The following PICALM variants were observed in gnomAD, a reference collection of about 807,000 sequenced individuals.
PICALM encodes phosphatidylinositol binding clathrin assembly protein.
Under a neutral mutation model 80.5 loss-of-function variants are expected in PICALM, and 40 were observed. The observed-to-expected ratio is 0.50, with a 90% CI of 0.39 to 0.65. PICALM has a LOEUF of 0.65. Ranked by LOEUF, PICALM falls within the 30% of genes least tolerant of loss-of-function variation. The pLI is 0.00. For missense variants in PICALM, 676 were observed against 778.9 expected, an observed-to-expected ratio of 0.87 and a Z score of 1.57; for synonymous variants, 288 against 260.3, an observed-to-expected ratio of 1.11 and a Z score of -1.02.
chr11:86,064,088 C>T (rs1318895626), intron 1 of PICALM, among the ~76,000 whole-genome samples: 1 of 152,222 alleles, frequency 6.6e-6, no homozygotes, highest in Non-Finnish European at 1.5e-5. Flanking sequence ...AATTCAGGTA[C>T]AGTCTGGTAT....
chr11:86,016,990 G>C (rs1394871343), intron 4 of PICALM, among the ~76,000 whole-genome samples: 2 of 152,138 alleles, frequency 1.3e-5, no homozygotes, highest in African/African-American at 4.8e-5. Flanking sequence ...GGGAGGCTGA[G>C]GGGCGAGTGG....
intron 1 of PICALM, among the ~76,000 whole-genome samples, chr11:86,055,048 TGGCTG>T (rs2096248248): frequency 6.6e-6 from 1 of 152,070 alleles, no homozygotes; most frequent in South Asian, 2.1e-4. Context: ...AATTGCTTGC[TGGCTG>T]GGGGTGGTGG....
In PICALM at chr11:86,065,368, G is replaced by A. The variant is rs184798337; in HGVS notation, c.130+3283C>T. Among the ~76,000 whole-genome samples the A allele has an allele frequency of 3.0e-3, 454 of 152,126 alleles. 3 individuals carry two copies. The highest frequency in any genetic ancestry group is 0.011 in the African/African-American group (436 of 41,490). On this transcript the variant is annotated intron_variant, in intron 1 of 19. Coordinates refer to ENST00000393346, the MANE Select transcript of PICALM (RefSeq NM_007166.4). ...GGCTGAGGCAGAATCTCTTGAACCT[G>A]GGAGGCAGAGGTTGCAGTGAGCCAA...
intron 1 of PICALM, among the ~76,000 whole-genome samples, chr11:86,053,663 G>A (rs2096227121): frequency 6.6e-6 from 1 of 152,048 alleles, no homozygotes; most frequent in African/African-American, 2.4e-5. Flanking sequence ...TGCCTCCTGG[G>A]CTCAAGTGAT....
chr11:86,026,629 A>T (rs564584168), intron 2 of PICALM, among the ~76,000 whole-genome samples: 7 of 152,364 alleles, frequency 4.6e-5, no homozygotes, highest in Non-Finnish European at 1.0e-4. Context: ...CAGTGGAAGC[A>T]GTAGTTTTGG....
intron 1 of PICALM, among the ~76,000 whole-genome samples, chr11:86,052,042 C>T (rs2096198010): frequency 1.3e-5 from 2 of 152,332 alleles, no homozygotes; most frequent in South Asian, 2.1e-4. Flanking sequence ...CCTAACTAAA[C>T]CAACTGAAAC....
intron 19 of PICALM, among the ~76,000 whole-genome samples, chr11:85,968,141 C>T (rs2093968579): frequency 6.6e-6 from 1 of 152,102 alleles, no homozygotes; most frequent in South Asian, 2.1e-4. Flanking sequence ...CAAGACCAGT[C>T]TGATGTATGC....
intron 1 of PICALM, among the ~76,000 whole-genome samples, chr11:86,056,134 TTA>T (rs1491247691): frequency 9.1e-5 from 7 of 76,816 alleles, no homozygotes; most frequent in South Asian, 4.1e-4. Flanking sequence ...GACTCTGTCT[TTA>T]AAAAAAAAAA....
chr11:85,967,238 T>C (rs1406425962), intron 19 of PICALM, among the ~76,000 whole-genome samples: 2 of 152,214 alleles, frequency 1.3e-5, no homozygotes, highest in Admixed American at 6.5e-5. Context: ...TGTGAGACAA[T>C]ACATTCCCAT....
intron 19 of PICALM, among the ~76,000 whole-genome samples, chr11:85,965,803 T>G (rs2093859193): frequency 2.0e-5 from 1 of 49,956 alleles, no homozygotes; most frequent in Non-Finnish European, 3.9e-5. Context: ...GCATTACCCA[T>G]TTTGTTTTTT....
chr11:86,010,300 C>T (rs1264249020), intron 7 of PICALM, among the ~76,000 whole-genome samples: 1 of 151,390 alleles, frequency 6.6e-6, no homozygotes, highest in East Asian at 1.9e-4. Context: ...AATAAATACA[C>T]AAAATCCATT....
At chr11:86,063,274 C>T (rs2096396331) in intron 1 of PICALM, among the ~76,000 whole-genome samples, 1 of 152,148 alleles carries the variant, frequency 6.6e-6, no homozygotes, top group Non-Finnish European at 1.5e-5. Flanking sequence ...ATGTCAATCA[C>T]ATCTTATGAA....
chr11:85,975,159 A>G (rs1565244002), intron 18 of PICALM, among the ~76,000 whole-genome samples: 1 of 152,138 alleles, frequency 6.6e-6, no homozygotes, highest in Non-Finnish European at 1.5e-5. Context: ...AAAACTTAAG[A>G]CTCTGTCTTC....
At chr11:85,997,449 A>G (rs2095004299) in intron 11 of PICALM, among the ~76,000 whole-genome samples, 2 of 152,082 alleles carry the variant, frequency 1.3e-5, no homozygotes, top group Non-Finnish European at 2.9e-5. Context: ...CCATCACACA[A>G]CACACTATTT....
chr11:86,018,916 G>T (rs1255140130), intron 4 of PICALM, among the ~76,000 whole-genome samples: 1 of 150,144 alleles, frequency 6.7e-6, no homozygotes, highest in East Asian at 1.9e-4. Context: ...AAATGAGATG[G>T]ATCTATGTGT....
intron 1 of PICALM, among the ~76,000 whole-genome samples, chr11:86,048,304 T>C (rs570558673): frequency 1.3e-5 from 2 of 152,314 alleles, no homozygotes; most frequent in Admixed American, 1.3e-4. Flanking sequence ...TGTCAGGCAG[T>C]GTTTCTAGGT....
intron 13 of PICALM, among the ~76,000 whole-genome samples, chr11:85,986,168 A>C (rs2094564580): frequency 1.3e-5 from 2 of 152,276 alleles, no homozygotes; most frequent in Admixed American, 6.5e-5. Context: ...GCAATAGCTA[A>C]TCGGCTATTA....
In PICALM at chr11:85,975,325, A is replaced by C. The variant is rs904531137; in HGVS notation, c.1840-513T>G. On this transcript the variant is annotated intron_variant, in intron 18 of 19. Transcript: ENST00000393346. ...AGAATCAAGAAAGAGCTTAAACTAC[A>C]AACCAGAGGTTAACTCTTTCTTGAG... Among the ~76,000 whole-genome samples, 4 of 152,346 alleles carry C rather than the reference A, an allele frequency of 2.6e-5. No individual in the cohort carries two copies. The East Asian group carries it at 5.8e-4, about 22-fold the overall frequency.
chr11:85,983,864 AC>A lies in PICALM; in HGVS notation c.1516+1del. The A allele has an allele frequency of 7.4e-7, 1 of 1,344,822 alleles. No homozygotes were observed. Among genetic ancestry groups the A allele is most frequent in the Non-Finnish European group, 1.0e-6 (1 of 956,844 alleles). 83.3% of individuals were successfully genotyped at this position (1,344,822 alleles called of 1,614,324 possible). A position where few individuals can be genotyped will look rare whatever the true frequency, so the allele number is the denominator to read the frequency against. On this transcript the variant is annotated splice_donor_variant, in intron 14 of 19. Coordinates refer to ENST00000393346, the MANE Select transcript of PICALM (RefSeq NM_007166.4). LOFTEE classifies it high-confidence loss of function. ...ATTTTTAATAAAATTTTTTTTCCTT[AC>A]CCCCAGAATCTACAATAACATTTGT...
Sources: allele counts gnomAD v4.1 joint callset (sites outside exome capture counted in the v4.1 genomes callset), GRCh38; gene constraint gnomAD v4.1.1; transcripts MANE v1.5; gene names NCBI Gene and HGNC (gene_info 2026-07-23, HGNC 2026-07-21).